FRMD4A: variants seen among roughly 807,000 people sequenced by gnomAD.
The protein encoded by FRMD4A is FERM domain-containing protein 4A.
FRMD4A carries 29 observed loss-of-function variants against 129.1 expected under a neutral mutation model. The observed-to-expected ratio is 0.22, with a 90% confidence interval of 0.17 to 0.31. The LOEUF is 0.31. FRMD4A is among the 10% of genes least tolerant of loss of function. The pLI is 1.00. For missense variants in FRMD4A, 1,272 were observed against 1,375.8 expected (o/e 0.92, Z 1.19); for synonymous variants, 634 against 571.6 (o/e 1.11, Z -1.56).
At chr10:14,114,068 G>C (rs769867579) in intron 2 of FRMD4A, among the ~76,000 whole-genome samples, 2 of 152,158 alleles carry the variant, frequency 1.3e-5, no homozygotes, top group African/African-American at 2.4e-5. Context: ...CGTACTTGTG[G>C]GTATGGCTGC....
At chr10:14,280,949 T>G (rs1478465634) in intron 2 of FRMD4A, among the ~76,000 whole-genome samples, 1 of 151,058 alleles carries the variant, frequency 6.6e-6, no homozygotes, top group Non-Finnish European at 1.5e-5. Flanking sequence ...ATGGGTCATA[T>G]AGATGAGCCC....
intron 2 of FRMD4A, among the ~76,000 whole-genome samples, chr10:14,317,461 G>A (rs2132114263): frequency 6.6e-6 from 1 of 152,222 alleles, no homozygotes; most frequent in South Asian, 2.1e-4. Context: ...GTGCTTTATA[G>A]CATTTTGACT....
In FRMD4A at chr10:13,644,184, T is replaced by C. The variant is rs2080975565; in HGVS notation, c.*2854A>G. The C allele has an allele frequency of 6.6e-6, 1 of 152,332 alleles. No homozygotes were observed. Among genetic ancestry groups the C allele is most frequent in the Non-Finnish European group, 1.5e-5 (1 of 68,038 alleles). 9.4% of individuals were successfully genotyped at this position (152,332 alleles called of 1,614,324 possible). A position where few individuals can be genotyped will look rare whatever the true frequency, so the allele number is the denominator to read the frequency against. On this transcript the variant is annotated 3_prime_UTR_variant, in exon 25 of 25. Coordinates refer to ENST00000357447, the MANE Select transcript of FRMD4A (RefSeq NM_018027.5). ...ACCTGGCTCACAACATAGTCTGATG[T>C]ATGTGTTTTCACCAGTCTTCTGGCT... is the stretch of plus-strand genomic sequence containing the variant.
chr10:14,059,084 A>C (rs1834682587), intron 2 of FRMD4A, among the ~76,000 whole-genome samples: 2 of 152,238 alleles, frequency 1.3e-5, no homozygotes, highest in Non-Finnish European at 2.9e-5. Context: ...GTGAAAAGAC[A>C]AAGAGCTTAC....
intron 2 of FRMD4A, among the ~76,000 whole-genome samples, chr10:13,994,154 G>T (rs771100340): frequency 4.7e-5 from 7 of 149,094 alleles, no homozygotes; most frequent in African/African-American, 1.7e-4. Flanking sequence ...GATGACAGGA[G>T]TGTGCCACCA....
intron 2 of FRMD4A, among the ~76,000 whole-genome samples, chr10:14,232,547 T>C (rs1198274429): frequency 6.6e-6 from 1 of 152,236 alleles, no homozygotes; most frequent in Non-Finnish European, 1.5e-5. Flanking sequence ...TGATTCTTCC[T>C]ATCCATGAGT....
intron 2 of FRMD4A, among the ~76,000 whole-genome samples, chr10:14,322,943 T>A (rs1843120966): frequency 6.6e-6 from 1 of 152,236 alleles, no homozygotes; most frequent in South Asian, 2.1e-4. Context: ...ATGTGTAAAA[T>A]GCACGCATTT....
intron 4 of FRMD4A, among the ~76,000 whole-genome samples, chr10:13,804,603 G>A (rs989493587): frequency 2.0e-5 from 3 of 149,260 alleles, no homozygotes; most frequent in African/African-American, 7.5e-5. Flanking sequence ...GAGTTCAGTG[G>A]CATGATCTTG....
rs544788019 is a variant in FRMD4A at position 14,122,274 on chromosome 10, C to T, written c.45+207784G>A. ...CAATTACAACAAGACTGACTTCTGG[C>T]AGATTGACATATGTTCTTGCCCTGC... On this transcript the variant is annotated intron_variant, in intron 2 of 24. Coordinates refer to ENST00000357447, the MANE Select transcript of FRMD4A (RefSeq NM_018027.5). 3.3e-4 allele frequency among the ~76,000 whole-genome samples: 50 copies of T among 152,226 alleles called. No homozygotes were observed. The South Asian group carries it at 9.7e-3, about 30-fold the overall frequency.
intron 2 of FRMD4A, among the ~76,000 whole-genome samples, chr10:14,088,799 A>AAT (rs1379607167): frequency 4.6e-5 from 7 of 151,404 alleles, no homozygotes; most frequent in Non-Finnish European, 8.8e-5. Context: ...AAAAAAAAAA[A>AAT]AAAAAAGTAA....
chr10:13,815,126 AAAG>A (rs1428009292), intron 3 of FRMD4A, among the ~76,000 whole-genome samples: 1 of 152,194 alleles, frequency 6.6e-6, no homozygotes, highest in African/African-American at 2.4e-5. Flanking sequence ...TTCTTTTGCC[AAAG>A]AAGATTCTGA....
intron 2 of FRMD4A, among the ~76,000 whole-genome samples, chr10:14,049,337 G>A (rs564976738): frequency 1.3e-5 from 2 of 152,260 alleles, no homozygotes; most frequent in East Asian, 1.9e-4. Flanking sequence ...ATAGAATTTC[G>A]CACTAGGTGG....
intron 3 of FRMD4A, among the ~76,000 whole-genome samples, chr10:13,832,344 A>T (rs1396430082): frequency 6.6e-6 from 1 of 152,006 alleles, no homozygotes. Flanking sequence ...CTCCAAACAG[A>T]CCCTCGTGCT....
intron 2 of FRMD4A, among the ~76,000 whole-genome samples, chr10:14,231,682 G>A (rs1843645747): frequency 6.6e-6 from 1 of 152,148 alleles, no homozygotes; most frequent in Non-Finnish European, 1.5e-5. Flanking sequence ...CTCTATTAGT[G>A]ATGTTGAGCA....
chr10:13,740,724 T>C, intron 9 of FRMD4A, 147 bp from the exon 10 acceptor site: 1 of 575,070 alleles, frequency 1.7e-6, no homozygotes, highest in South Asian at 2.4e-5. Context: ...TGGAGTGGTA[T>C]TTCCAAACTC....
chr10:14,121,392 C>A (rs966131779), intron 2 of FRMD4A, among the ~76,000 whole-genome samples: 14 of 152,044 alleles, frequency 9.2e-5, no homozygotes, highest in Admixed American at 3.9e-4. Flanking sequence ...AACAAAAAAA[C>A]CAAAACAAAC....
intron 2 of FRMD4A, among the ~76,000 whole-genome samples, chr10:14,113,826 C>T (rs964468702): frequency 6.6e-5 from 10 of 152,138 alleles, no homozygotes; most frequent in African/African-American, 2.4e-4. Context: ...TCTTCCTCTT[C>T]TTTCTCCTCC....
intron 12 of FRMD4A, among the ~76,000 whole-genome samples, chr10:13,713,237 T>C (rs567719632): frequency 6.6e-6 from 1 of 152,280 alleles, no homozygotes; most frequent in South Asian, 2.1e-4. Context: ...CTTGCACAGA[T>C]AAAGTAACCC....
chr10:14,320,511 A>G (rs1846935006), intron 2 of FRMD4A, among the ~76,000 whole-genome samples: 1 of 152,190 alleles, frequency 6.6e-6, no homozygotes, highest in African/African-American at 2.4e-5. Context: ...AAAATAGCTT[A>G]ACGCCATTTT....
Sources: allele counts gnomAD v4.1 joint callset (sites outside exome capture counted in the v4.1 genomes callset), GRCh38; gene constraint gnomAD v4.1.1; transcripts MANE v1.5; gene names NCBI Gene and HGNC (gene_info 2026-07-23, HGNC 2026-07-21).